PLCH1: variants seen among roughly 807,000 people sequenced by gnomAD.
PLCH1 encodes the protein phospholipase C eta 1.
PLCH1 carries 60 observed loss-of-function variants against 126.7 expected under a neutral mutation model. That is an observed-to-expected ratio of 0.47 (90% CI 0.38 to 0.59). The LOEUF is 0.59. Ranked by LOEUF, PLCH1 falls within the 20% of genes least tolerant of loss-of-function variation. PLCH1 has a pLI of 0.00. For synonymous variants in PLCH1, 719 were observed against 734.9 expected (o/e 0.98, Z 0.35); for missense variants, 1,723 against 2,040.0 (o/e 0.84, Z 2.99).
At position 155,564,938 on chromosome 3, in the gene PLCH1, T is replaced by G; in HGVS notation, c.1046A>C (p.Gln349Pro). Residue 349 changes from glutamine (Q) to proline (P), a missense_variant, in exon 8 of 23, where the codon CAA (glutamine) becomes CCA (proline). This residue lies in a region of PLCH1 where 776 missense variants were observed against 1,062.9 expected (regional missense o/e 0.73). Transcript: ENST00000460012. Reference sequence around the variant, plus strand: ...ACCTTCCACACAGCGACAGCCCTCTTGCAGCACCCGTGCATACATATCCAC... The same window carrying G: ...ACCTTCCACACAGCGACAGCCCTCTGGCAGCACCCGTGCATACATATCCAC... ...SKVDMYARVL[Q>P]EGCRCVEVDC... 1 of 1,613,776 alleles carries G rather than the reference T, an allele frequency of 6.2e-7. No individual in the cohort carries two copies. Among genetic ancestry groups the G allele is most frequent in the Non-Finnish European group, 8.5e-7 (1 of 1,179,744 alleles).
At chr3:155,456,999 G>A (rs1169143056) in intron 21 of PLCH1, 2 of 152,322 alleles carry the variant, frequency 1.3e-5, no homozygotes, top group South Asian at 2.1e-4. Context: ...TTTGCACAGG[G>A]AAACACTTGG....
intron 12 of PLCH1, among the ~76,000 whole-genome samples, chr3:155,504,841 G>A (rs544779572): frequency 6.6e-6 from 1 of 152,172 alleles, no homozygotes; most frequent in African/African-American, 2.4e-5. Context: ...TGGAGAGATG[G>A]ATGCCAGCCA....
At chr3:155,526,484 T>TACACACACACACACA (rs774024945) in intron 10 of PLCH1, among the ~76,000 whole-genome samples, 20 of 94,354 alleles carry the variant, frequency 2.1e-4, no homozygotes, top group Non-Finnish European at 3.6e-4. Context: ...TTTCTCTCTC[T>TACACACACACACACA]CTCATACACA....
chr3:155,639,776 C>G (rs1461067539), intron 2 of PLCH1, among the ~76,000 whole-genome samples: 1 of 152,138 alleles, frequency 6.6e-6, no homozygotes, highest in South Asian at 2.1e-4. Context: ...AATCTCATGT[C>G]AAATTATAAT....
intron 12 of PLCH1, among the ~76,000 whole-genome samples, chr3:155,505,400 G>A (rs542598911): frequency 6.6e-6 from 1 of 152,244 alleles, no homozygotes; most frequent in East Asian, 1.9e-4. Flanking sequence ...AAATATGTTA[G>A]GTGGTTCATT....
chr3:155,535,103 C>T (rs1723181121), intron 10 of PLCH1, among the ~76,000 whole-genome samples: 2 of 152,130 alleles, frequency 1.3e-5, no homozygotes, highest in Admixed American at 1.3e-4. Context: ...GAAGAAACAG[C>T]AGGAAGAGCC....
intron 5 of PLCH1, among the ~76,000 whole-genome samples, chr3:155,585,646 C>G (rs1268747982): frequency 6.6e-6 from 1 of 152,170 alleles, no homozygotes; most frequent in African/African-American, 2.4e-5. Context: ...TCCTAATCCT[C>G]ATGGATACTA....
chr3:155,506,687 A>G (rs936184224), intron 12 of PLCH1, among the ~76,000 whole-genome samples: 4 of 147,392 alleles, frequency 2.7e-5, no homozygotes, highest in Admixed American at 6.8e-5. Context: ...TGAACTCGTC[A>G]TTTTTTATGG....
At chr3:155,469,845 A>C (rs940245426) in intron 21 of PLCH1, among the ~76,000 whole-genome samples, 9 of 152,260 alleles carry the variant, frequency 5.9e-5, no homozygotes, top group Middle Eastern at 3.4e-3. Context: ...GGGTATTCCA[A>C]TAGACCTGCA....
intron 6 of PLCH1, among the ~76,000 whole-genome samples, chr3:155,570,104 T>G (rs1201613165): frequency 6.6e-6 from 1 of 152,148 alleles, no homozygotes; most frequent in Non-Finnish European, 1.5e-5. Context: ...ATTGACTCTT[T>G]GCAAAATACA....
At chr3:155,470,195 G>A (rs1205212062) in intron 21 of PLCH1, among the ~76,000 whole-genome samples, 1 of 151,442 alleles carries the variant, frequency 6.6e-6, no homozygotes, top group Admixed American at 6.6e-5. Flanking sequence ...TTAGAAGAAT[G>A]TATAACTAGA....
intron 2 of PLCH1, among the ~76,000 whole-genome samples, chr3:155,655,439 A>C (rs1195603574): frequency 6.7e-6 from 1 of 148,280 alleles, no homozygotes; most frequent in Non-Finnish European, 1.5e-5. Context: ...GAGAAAAAAA[A>C]AAAGAAGAAG....
At chr3:155,669,036 G>A (rs1559918358) in intron 2 of PLCH1, among the ~76,000 whole-genome samples, 1 of 152,070 alleles carries the variant, frequency 6.6e-6, no homozygotes, top group Non-Finnish European at 1.5e-5. Context: ...GTGTGTGCAT[G>A]TATGTACTAC....
intron 12 of PLCH1, 103 bp downstream of exon 12, chr3:155,514,620 G>A (rs1205485423): frequency 2.8e-6 from 2 of 720,266 alleles, no homozygotes; most frequent in Non-Finnish European, 4.2e-6. Context: ...AATGAGGACA[G>A]AAATAGAAGA....
At chr3:155,586,217 A>G (rs1235629077) in intron 4 of PLCH1, 23 bp from the exon 5 acceptor site, 15 of 1,609,992 alleles carry the variant, frequency 9.3e-6, no homozygotes, top group Non-Finnish European at 1.3e-5. Flanking sequence ...CAAAGAAAAC[A>G]CCTGTGCTCT....
At chr3:155,457,401 TC>T (rs1712477593) in intron 21 of PLCH1, 1 of 152,048 alleles carries the variant, frequency 6.6e-6, no homozygotes, top group African/African-American at 2.4e-5. Context: ...AAACACAAAT[TC>T]AAAGATGAAA....
chr3:155,633,916 A>G (rs193149523), intron 2 of PLCH1, among the ~76,000 whole-genome samples: 1 of 152,214 alleles, frequency 6.6e-6, no homozygotes, highest in African/African-American at 2.4e-5. Context: ...TCTGTCTCAA[A>G]AAACAAACAA....
At chr3:155,692,803 C>A (rs1384321730) in intron 2 of PLCH1, among the ~76,000 whole-genome samples, 1 of 151,718 alleles carries the variant, frequency 6.6e-6, no homozygotes, top group East Asian at 1.9e-4. Flanking sequence ...GTCGCCCAGG[C>A]TAGAGTGCAG....
chr3:155,598,184 CA>C (rs201681402), intron 2 of PLCH1, among the ~76,000 whole-genome samples: 182 of 140,892 alleles, frequency 1.3e-3, no homozygotes, highest in African/African-American at 2.4e-3. Flanking sequence ...AACTTTGCCT[CA>C]AAAAAAAAAA....
Sources: allele counts gnomAD v4.1 joint callset (sites outside exome capture counted in the v4.1 genomes callset), GRCh38; gene constraint gnomAD v4.1.1; regional missense constraint gnomAD v4.1.1; transcripts MANE v1.5; gene names NCBI Gene and HGNC (gene_info 2026-07-23, HGNC 2026-07-21).